The following LARP1B variants were observed in gnomAD, a reference collection of about 807,000 sequenced individuals.
LARP1B encodes the protein la-related protein 1B.
Under a neutral mutation model 114.2 loss-of-function variants are expected in LARP1B, and 76 were observed. That is an observed-to-expected ratio of 0.67 (90% CI 0.55 to 0.81). LARP1B has a LOEUF of 0.81. Among genes scored for constraint, LARP1B ranks in the 30% least tolerant of loss-of-function variants. The pLI, the probability that LARP1B is intolerant of heterozygous loss-of-function variation, is 0.00. For missense variants in LARP1B, 1,014 were observed against 1,075.8 expected (o/e 0.94, Z 0.80); for synonymous variants, 345 against 348.0 (o/e 0.99, Z 0.10).
At chr4:128,185,237 T>C (rs1279298495) in intron 15 of LARP1B, among the ~76,000 whole-genome samples, 2 of 152,190 alleles carry the variant, frequency 1.3e-5, no homozygotes, top group African/African-American at 2.4e-5. Flanking sequence ...TTTTTGTTTT[T>C]TGAGGAACTT....
chr4:128,100,802 TTTC>T (rs1780051118), intron 8 of LARP1B, among the ~76,000 whole-genome samples: 1 of 151,648 alleles, frequency 6.6e-6, no homozygotes, highest in African/African-American at 2.4e-5. Context: ...TTTCTTTTCT[TTTC>T]TTTTTTTTTT....
intron 18 of LARP1B, chr4:128,206,857 C>T: frequency 1.0e-6 from 1 of 984,476 alleles, no homozygotes; most frequent in Non-Finnish European, 1.2e-6. Flanking sequence ...CTTGGAAAGG[C>T]AGAAATAGCA....
At chr4:128,105,505 A>G (rs1781774264) in intron 8 of LARP1B, among the ~76,000 whole-genome samples, 1 of 152,244 alleles carries the variant, frequency 6.6e-6, no homozygotes, top group South Asian at 2.1e-4. Context: ...AGCTTTCACC[A>G]TAGGATTCTT....
intron 11 of LARP1B, among the ~76,000 whole-genome samples, chr4:128,124,479 G>A (rs758371162): frequency 6.6e-5 from 10 of 152,090 alleles, no homozygotes; most frequent in Non-Finnish European, 8.8e-5. Context: ...GTTTGCCTAC[G>A]GTATTATATA....
Position 128,091,448 on chromosome 4 carries a change from GGTACAGGT to G in LARP1B, c.616_623del (p.Gln206SerfsTer8). On this transcript the variant is annotated frameshift_variant, in exon 7 of 20. Coordinates refer to ENST00000326639, the MANE Select transcript of LARP1B (RefSeq NM_018078.4). LOFTEE classifies it high-confidence loss of function. ...CAGTATGATGTATTACTATGATGATGGTACAGGTGTACAGGTGTATCCTGTGGAAGAAG... is the reference window on the plus strand; with the variant it reads ...CAGTATGATGTATTACTATGATGATGGTACAGGTGTATCCTGTGGAAGAAG... The G allele has an allele frequency of 6.2e-7, 1 of 1,611,238 alleles. No homozygotes were observed. Among genetic ancestry groups the G allele is most frequent in the Non-Finnish European group, 8.5e-7 (1 of 1,177,536 alleles).
chr4:128,143,371 G>A (rs1435251679), intron 11 of LARP1B, among the ~76,000 whole-genome samples: 2 of 152,160 alleles, frequency 1.3e-5, no homozygotes, highest in African/African-American at 2.4e-5. Flanking sequence ...AAATATGGCA[G>A]CCTTATAATA....
At chr4:128,131,404 A>T (rs533789403) in intron 11 of LARP1B, among the ~76,000 whole-genome samples, 25 of 152,232 alleles carry the variant, frequency 1.6e-4, no homozygotes, top group Non-Finnish European at 3.2e-4. Context: ...TTCTTTAAAA[A>T]AAGTTTTTAC....
At chr4:128,166,970 C>CTCTCTCTCTA (rs1189451874) in intron 12 of LARP1B, among the ~76,000 whole-genome samples, 1 of 77,804 alleles carries the variant, frequency 1.3e-5, no homozygotes, top group African/African-American at 5.3e-5. Context: ...CTCTCTCTCT[C>CTCTCTCTCTA]TATATATATA....
intron 17 of LARP1B, 85 bp downstream of exon 17, chr4:128,200,750 A>C (rs1002281376): frequency 1.0e-6 from 1 of 964,058 alleles, no homozygotes; most frequent in African/African-American, 1.7e-5. Context: ...CGATAGAGGG[A>C]GTTTTTAGAA....
chr4:128,150,672 T>C (rs1415470722), intron 11 of LARP1B, among the ~76,000 whole-genome samples: 1 of 151,904 alleles, frequency 6.6e-6, no homozygotes, highest in East Asian at 1.9e-4. Flanking sequence ...GAAGTTGCAG[T>C]GAGCCAAGAT....
At chr4:128,222,238 G>A in intron 7 of LARP1B, 1 of 441,628 alleles carries the variant, frequency 2.3e-6, no homozygotes, top group Non-Finnish European at 4.6e-6. Flanking sequence ...CCTTGACCAA[G>A]TGACAAGAGC....
intron 1 of LARP1B, among the ~76,000 whole-genome samples, chr4:128,062,465 A>G (rs1349310330): frequency 1.3e-5 from 2 of 151,812 alleles, no homozygotes; most frequent in Admixed American, 6.6e-5. Context: ...GGGGGCACGG[A>G]GGTGGTAGCT....
intron 10 of LARP1B, among the ~76,000 whole-genome samples, chr4:128,118,174 C>T (rs983341508): frequency 6.7e-6 from 1 of 148,742 alleles, no homozygotes; most frequent in African/African-American, 2.5e-5. Context: ...GATCCACCCA[C>T]CTCGATCTTT....
At chr4:128,079,729 A>T (rs1469774786) in intron 4 of LARP1B, among the ~76,000 whole-genome samples, 1 of 150,176 alleles carries the variant, frequency 6.7e-6, no homozygotes, top group African/African-American at 2.5e-5. Context: ...ATGCCTGGCT[A>T]ATTTTTGTAT....
At chr4:128,124,811 G>C (rs1278501540) in intron 11 of LARP1B, among the ~76,000 whole-genome samples, 2 of 152,178 alleles carry the variant, frequency 1.3e-5, no homozygotes, top group East Asian at 3.9e-4. Context: ...TATAGGAGTT[G>C]TATAGGAAAG....
At chr4:128,084,265 A>C (rs1443726524) in intron 5 of LARP1B, among the ~76,000 whole-genome samples, 1 of 152,130 alleles carries the variant, frequency 6.6e-6, no homozygotes, top group Non-Finnish European at 1.5e-5. Flanking sequence ...TGGGAGGCCA[A>C]GGCAGGCGGC....
intron 12 of LARP1B, among the ~76,000 whole-genome samples, chr4:128,168,289 A>T (rs13109814): frequency 0.43 from 64,622 of 149,710 alleles, 14,908 homozygotes; most frequent in African/African-American, 0.6. Flanking sequence ...TTTTTTTTTT[A>T]AAAAATTTTG....
chr4:128,206,560 T>A (rs1270627351), intron 18 of LARP1B, 23 bp downstream of exon 18: 1 of 1,585,160 alleles, frequency 6.3e-7, no homozygotes, highest in Non-Finnish European at 8.6e-7. Flanking sequence ...TCAGAAAACT[T>A]GTACTCTAAT....
intron 11 of LARP1B, among the ~76,000 whole-genome samples, chr4:128,142,583 A>G (rs1456374693): frequency 6.7e-6 from 1 of 148,840 alleles, no homozygotes; most frequent in Non-Finnish European, 1.5e-5. Flanking sequence ...ATCTCTGCTC[A>G]CTGCAGCCTC....
Sources: gnomAD v4.1 joint callset for allele counts (sites outside exome capture counted in the v4.1 genomes callset) on GRCh38, gnomAD v4.1.1 for gene constraint, MANE v1.5 for transcripts, NCBI Gene and HGNC (gene_info 2026-07-23, HGNC 2026-07-21) for gene names.